Variants in ZMAT4 observed in about 807,000 individuals in gnomAD.
ZMAT4 encodes the protein zinc finger matrin-type protein 4.
ZMAT4 carries 17 observed loss-of-function variants against 28.7 expected under a neutral mutation model. The ratio of observed to expected loss-of-function variants is 0.59; its 90% CI spans 0.41 to 0.89. The LOEUF (loss-of-function observed/expected upper bound fraction) is 0.89. Among genes scored for constraint, ZMAT4 ranks in the 40% least tolerant of loss-of-function variants. The pLI is 0.00. For synonymous variants in ZMAT4, 117 were observed against 109.2 expected, an observed-to-expected ratio of 1.07 and a Z score of -0.44; for missense variants, 240 against 283.8, an observed-to-expected ratio of 0.85 and a Z score of 1.11.
intron 3 of ZMAT4, among the ~76,000 whole-genome samples, chr8:40,729,707 T>G (rs1376159633): frequency 6.6e-6 from 1 of 151,744 alleles, no homozygotes; most frequent in Non-Finnish European, 1.5e-5. Flanking sequence ...TAAATGATTC[T>G]CCTGCCTCAG....
chr8:40,797,792 A>T (rs1159538329), intron 2 of ZMAT4, among the ~76,000 whole-genome samples: 3 of 152,206 alleles, frequency 2.0e-5, no homozygotes, highest in Non-Finnish European at 4.4e-5. Flanking sequence ...GACAGGTCAC[A>T]GTCTCCTCAC....
intron 2 of ZMAT4, among the ~76,000 whole-genome samples, chr8:40,768,519 G>C (rs932480133): frequency 2.6e-5 from 4 of 152,130 alleles, no homozygotes; most frequent in Non-Finnish European, 5.9e-5. Context: ...TTCTACCTGA[G>C]GCAGGATGGC....
At chr8:40,636,917 A>G (rs923792570) in intron 5 of ZMAT4, among the ~76,000 whole-genome samples, 2 of 152,176 alleles carry the variant, frequency 1.3e-5, no homozygotes, top group African/African-American at 4.8e-5. Context: ...GGGAGTCACA[A>G]TACCTATTTC....
At chr8:40,829,441 G>T (rs979887153) in intron 1 of ZMAT4, among the ~76,000 whole-genome samples, 1 of 152,174 alleles carries the variant, frequency 6.6e-6, no homozygotes, top group African/African-American at 2.4e-5. Context: ...GCTGTCCGGG[G>T]GTCTGAGTTC....
intron 5 of ZMAT4, among the ~76,000 whole-genome samples, chr8:40,591,526 C>T (rs1804892576): frequency 6.6e-6 from 1 of 152,186 alleles, no homozygotes; most frequent in Non-Finnish European, 1.5e-5. Context: ...GCTCCAGTTT[C>T]CCCCTCCCCA....
intron 5 of ZMAT4, among the ~76,000 whole-genome samples, chr8:40,624,048 T>G (rs1371024201): frequency 1.3e-5 from 2 of 152,206 alleles, no homozygotes; most frequent in Non-Finnish European, 2.9e-5. Flanking sequence ...ATTCTGCAAT[T>G]TCCTCTGCTG....
intron 4 of ZMAT4, among the ~76,000 whole-genome samples, chr8:40,691,386 G>A (rs1207065250): frequency 1.4e-5 from 2 of 143,180 alleles, no homozygotes; most frequent in East Asian, 4.3e-4. Flanking sequence ...TGCAAAACAC[G>A]TGACACTAAA....
intron 3 of ZMAT4, among the ~76,000 whole-genome samples, chr8:40,764,949 A>G (rs1359939919): frequency 6.6e-6 from 1 of 152,102 alleles, no homozygotes; most frequent in Non-Finnish European, 1.5e-5. Flanking sequence ...CTCCAGCCTC[A>G]GCCTCCTGAG....
chr8:40,830,221 T>G (rs1816230182), intron 1 of ZMAT4, among the ~76,000 whole-genome samples: 1 of 152,238 alleles, frequency 6.6e-6, no homozygotes, highest in South Asian at 2.1e-4. Flanking sequence ...GGGGTACAGG[T>G]GCTTGTTTGT....
intron 5 of ZMAT4, among the ~76,000 whole-genome samples, chr8:40,637,051 G>A (rs930257891): frequency 6.6e-6 from 1 of 150,572 alleles, no homozygotes; most frequent in Non-Finnish European, 1.5e-5. Flanking sequence ...AAAAGAAGAT[G>A]AGAGTCTGAG....
At chr8:40,875,422 G>T (rs1818007687) in intron 1 of ZMAT4, among the ~76,000 whole-genome samples, 1 of 152,112 alleles carries the variant, frequency 6.6e-6, no homozygotes, top group Admixed American at 6.5e-5. Context: ...CAGGGGAATT[G>T]GTTGAAAAGA....
intron 1 of ZMAT4, among the ~76,000 whole-genome samples, chr8:40,836,441 A>G (rs988035050): frequency 1.3e-5 from 2 of 152,220 alleles, no homozygotes; most frequent in African/African-American, 4.8e-5. Context: ...CGTACAACAC[A>G]AGGTATGTAA....
At position 40,880,452 on chromosome 8, in the gene ZMAT4, C is replaced by G. The variant is rs577148834; in HGVS notation, c.-5+17231G>C. On this transcript the variant is annotated intron_variant, in intron 1 of 6. Transcript: ENST00000297737. ...CCAATTAAAGTTCCTTACTGTATCT[C>G]TGTGACACTGAGCAATGTCATCTTT... Among the ~76,000 whole-genome samples the G allele has an allele frequency of 1.2e-4, 19 of 152,160 alleles. No individual in the cohort carries two copies. In the South Asian group the frequency reaches 3.9e-3, roughly 32 times the overall value.
rs1169314349 is a variant in ZMAT4, at chr8:40,831,972, A to G, written c.-4-6292T>C. ...AGAGCTGTGTAGACTTGTCAGCTTC[A>G]TTGTCTAAATGAGAAGACTCAGGGT... is the stretch of plus-strand genomic sequence containing the variant. On this transcript the variant is annotated intron_variant, in intron 1 of 6. Transcript: ENST00000297737. 3.3e-5 allele frequency among the ~76,000 whole-genome samples: 5 copies of G among 151,992 alleles called. No individual in the cohort carries two copies. In the East Asian group the frequency reaches 7.8e-4, roughly 24 times the overall value.
intron 6 of ZMAT4, among the ~76,000 whole-genome samples, chr8:40,556,008 T>A (rs1803522276): frequency 6.6e-6 from 1 of 152,138 alleles, no homozygotes; most frequent in East Asian, 1.9e-4. Flanking sequence ...CTGCCAATGG[T>A]CCCCCACCTT....
chr8:40,770,705 G>A lies in ZMAT4; in HGVS notation c.103-2975C>T, dbSNP rs6990192. 4.0e-3 allele frequency among the ~76,000 whole-genome samples: 603 copies of A among 151,894 alleles called. 1 individual carries two copies. Among genetic ancestry groups the A allele is most frequent in the Non-Finnish European group, 6.3e-3 (426 of 67,950 alleles). On this transcript the variant is annotated intron_variant, in intron 2 of 6. Coordinates refer to ENST00000297737, the MANE Select transcript of ZMAT4 (RefSeq NM_024645.3). Reference sequence around the variant, plus strand: ...TGGGATTATAGGAGCGTGCCACCACGCCTGGCTAGTTTTTGTATTTGTAGT... The same window carrying A: ...TGGGATTATAGGAGCGTGCCACCACACCTGGCTAGTTTTTGTATTTGTAGT...
In ZMAT4 at chr8:40,866,655, G is replaced by A. The variant is rs141781829; in HGVS notation, c.-5+31028C>T. On this transcript the variant is annotated intron_variant, in intron 1 of 6. Coordinates refer to ENST00000297737, the MANE Select transcript of ZMAT4 (RefSeq NM_024645.3). Reference sequence around the variant, plus strand: ...AAGGAAGTTGATGAATAATTAAGAGGAGGGCAACACCTGCAAAATGTGCAA... The same window carrying A: ...AAGGAAGTTGATGAATAATTAAGAGAAGGGCAACACCTGCAAAATGTGCAA... Among the ~76,000 whole-genome samples, 821 of 152,228 alleles carry A rather than the reference G, an allele frequency of 5.4e-3. 3 individuals are homozygous for A. Among genetic ancestry groups the A allele is most frequent in the Middle Eastern group, 0.01 (3 of 294 alleles).
rs571219624 is a variant in ZMAT4, at chr8:40,612,267, T to A, written c.578-31006A>T. Among the ~76,000 whole-genome samples the A allele has an allele frequency of 3.4e-3, 305 of 89,472 alleles. 29 individuals carry two copies. Among genetic ancestry groups the A allele is most frequent in the African/African-American group, 8.7e-3 (289 of 33,308 alleles). The allele number at this position is 89,472 out of a possible 152,430, so 58.7% of individuals were successfully genotyped here. On this transcript the variant is annotated intron_variant, in intron 5 of 6. Coordinates refer to ENST00000297737, the MANE Select transcript of ZMAT4 (RefSeq NM_024645.3). Reference sequence around the variant, plus strand: ...AGAACTGTGTGCATGCTAAATCATATCTGCTACTGCTCTGGGGCAATAGTA... The same window carrying A: ...AGAACTGTGTGCATGCTAAATCATAACTGCTACTGCTCTGGGGCAATAGTA...
At chr8:40,533,914 T>C (rs1165382691) in intron 6 of ZMAT4, among the ~76,000 whole-genome samples, 1 of 152,210 alleles carries the variant, frequency 6.6e-6, no homozygotes, top group East Asian at 1.9e-4. Context: ...AAGTTCTCAC[T>C]GAGCAAATAA....
Sources: allele counts gnomAD v4.1 joint callset (sites outside exome capture counted in the v4.1 genomes callset), GRCh38; gene constraint gnomAD v4.1.1; transcripts MANE v1.5; gene names NCBI Gene and HGNC (gene_info 2026-07-23, HGNC 2026-07-21).